Variants in ATP2B1 observed in about 807,000 individuals in gnomAD.
The protein encoded by ATP2B1 is plasma membrane calcium-transporting ATPase 1.
A neutral mutation model predicts 124.2 loss-of-function variants in ATP2B1; 14 were observed. That is an observed-to-expected ratio of 0.11 (90% CI 0.07 to 0.18). ATP2B1 has a LOEUF of 0.18. ATP2B1 is among the 10% of genes least tolerant of loss of function. ATP2B1 has a pLI of 1.00. For synonymous variants in ATP2B1, 449 were observed against 492.4 expected (o/e 0.91, Z 1.17); for missense variants, 763 against 1,466.1 (o/e 0.52, Z 7.83).
At chr12:89,630,758 T>C in intron 5 of ATP2B1, 113 bp from the exon 6 acceptor site, 1 of 123,354 alleles carries the variant, frequency 8.1e-6, no homozygotes, top group Non-Finnish European at 1.5e-5. Context: ...TAGGAAAAAA[T>C]ATATATAAAT....
intron 9 of ATP2B1, among the ~76,000 whole-genome samples, chr12:89,623,067 T>C (rs1288550177): frequency 1.5e-4 from 2 of 13,770 alleles, no homozygotes; most frequent in Non-Finnish European, 4.1e-4. Flanking sequence ...ATCACTTTGA[T>C]ACATTTACTT....
chr12:89,678,889 G>A (rs1447560923), intron 1 of ATP2B1, among the ~76,000 whole-genome samples: 1 of 152,090 alleles, frequency 6.6e-6, no homozygotes, highest in Admixed American at 6.6e-5. Flanking sequence ...CACAGTGTTC[G>A]TAAAGTTAGG....
At chr12:89,643,579 A>T (rs1883988932) in intron 2 of ATP2B1, among the ~76,000 whole-genome samples, 1 of 152,162 alleles carries the variant, frequency 6.6e-6, no homozygotes, top group Admixed American at 6.5e-5. Flanking sequence ...TGGAGTATGG[A>T]ATTAGAAAGA....
chr12:89,690,966 G>T lies in ATP2B1; in HGVS notation c.-222+17630C>A, dbSNP rs76799624. On this transcript the variant is annotated intron_variant, in intron 1 of 20. Coordinates refer to ENST00000428670, the MANE Select transcript of ATP2B1 (RefSeq NM_001366521.1). ...TTTCCATCAATCTTTGGGTAAATTA[G>T]GCAAGCACTTTAAGAATCATCCAAG... 6.2e-3 allele frequency among the ~76,000 whole-genome samples: 942 copies of T among 152,222 alleles called. 15 individuals carry two copies. Among genetic ancestry groups the T allele is most frequent in the African/African-American group, 0.022 (921 of 41,546 alleles).
In ATP2B1 at chr12:89,593,568, G is replaced by A. The variant is rs114697039; in HGVS notation, c.3352-2273C>T. 347 of 152,124 alleles carry A rather than the reference G, an allele frequency of 2.3e-3. 2 individuals carry two copies. Among genetic ancestry groups the A allele is most frequent in the African/African-American group, 8.0e-3 (332 of 41,522 alleles). 9.4% of individuals were successfully genotyped at this position (152,124 alleles called of 1,614,324 possible). A position where few individuals can be genotyped will look rare whatever the true frequency, so the allele number is the denominator to read the frequency against. On this transcript the variant is annotated intron_variant, in intron 20 of 20. Transcript: ENST00000428670. ...GGAAATAAATGTACTTTTTAAACAT[G>A]TTAAATTTGGAAAATATCTAGAGCT... is the stretch of plus-strand genomic sequence containing the variant.
intron 11 of ATP2B1, 138 bp downstream of exon 11, chr12:89,619,861 C>A: frequency 2.7e-6 from 3 of 1,101,084 alleles, no homozygotes; most frequent in South Asian, 1.7e-5. Context: ...ATCTGGATAC[C>A]ATAAAATATG....
At chr12:89,671,256 G>GA (rs1006470228) in intron 1 of ATP2B1, among the ~76,000 whole-genome samples, 1 of 151,978 alleles carries the variant, frequency 6.6e-6, no homozygotes, top group Non-Finnish European at 1.5e-5. Flanking sequence ...CTCAATGGGA[G>GA]AAAAAAAGCA....
chr12:89,636,881 T>C (rs780375872), intron 3 of ATP2B1, among the ~76,000 whole-genome samples: 7 of 152,324 alleles, frequency 4.6e-5, no homozygotes, highest in Middle Eastern at 3.4e-3. Flanking sequence ...CCATGTGTCA[T>C]TGTGTATAAT....
intron 20 of ATP2B1, 140 bp downstream of exon 20, chr12:89,598,977 C>T: frequency 9.4e-7 from 1 of 1,067,546 alleles, no homozygotes; most frequent in Non-Finnish European, 1.3e-6. Flanking sequence ...ATTCCAGGCA[C>T]CAGTATTACT....
At chr12:89,602,903 T>C (rs1435728137) in intron 18 of ATP2B1, 140 bp downstream of exon 18, 2 of 721,712 alleles carry the variant, frequency 2.8e-6, no homozygotes, top group South Asian at 2.0e-5. Flanking sequence ...AACATATACC[T>C]TAAATCACCA....
chr12:89,659,446 C>G (rs1428958367), intron 1 of ATP2B1, among the ~76,000 whole-genome samples: 1 of 151,790 alleles, frequency 6.6e-6, no homozygotes, highest in African/African-American at 2.4e-5. Context: ...TCAAAAAGAA[C>G]AATAAGGTGG....
intron 1 of ATP2B1, among the ~76,000 whole-genome samples, chr12:89,693,433 C>G (rs574287519): frequency 6.6e-6 from 1 of 152,186 alleles, no homozygotes; most frequent in East Asian, 1.9e-4. Flanking sequence ...TGATAAGCAC[C>G]TAACTTTCTG....
At chr12:89,661,894 G>A (rs1252880576) in intron 1 of ATP2B1, among the ~76,000 whole-genome samples, 2 of 152,032 alleles carry the variant, frequency 1.3e-5, no homozygotes, top group East Asian at 1.9e-4. Context: ...CAGCTACCTC[G>A]TGAGTTTAAA....
chr12:89,603,902 C>T lies in ATP2B1; in HGVS notation c.2658G>A (p.Gln886=), dbSNP rs1215290837. 6 of 1,614,080 alleles carry T rather than the reference C, an allele frequency of 3.7e-6. No individual in the cohort carries two copies. Among genetic ancestry groups the T allele is most frequent in the Non-Finnish European group, 5.1e-6 (6 of 1,179,984 alleles). ...ITQDSPLKAV[Q]MLWVNLIMDT... ...CCATTATGAGGTTTACCCACAGCAT[C>T]TGCACAGCCTTAAGCGGTGAGTCCT... Residue 886 remains glutamine (Q), a synonymous_variant, in exon 17 of 21, where the codon CAG becomes CAA. Coordinates refer to ENST00000428670, the MANE Select transcript of ATP2B1 (RefSeq NM_001366521.1). This position sits in a 1 kb window ranked among gnomAD's most constrained non-coding sequence, Gnocchi z 4.3.
chr12:89,654,516 G>A (rs1260384045), intron 2 of ATP2B1, among the ~76,000 whole-genome samples: 1 of 152,142 alleles, frequency 6.6e-6, no homozygotes, highest in Non-Finnish European at 1.5e-5. Context: ...ATAGTCTAAA[G>A]AAGCCCTGTT....
At chr12:89,598,549 T>C (rs749524221) in intron 20 of ATP2B1, 7 of 1,575,114 alleles carry the variant, frequency 4.4e-6, no homozygotes, top group Non-Finnish European at 6.1e-6. Context: ...GTGTGTGAAG[T>C]AGGAAATGTT....
At chr12:89,686,845 T>G (rs577685236) in intron 1 of ATP2B1, among the ~76,000 whole-genome samples, 116 of 152,084 alleles carry the variant, frequency 7.6e-4, no homozygotes, top group Non-Finnish European at 1.4e-3. Flanking sequence ...ACATACACAT[T>G]AAGAGAAAAC....
chr12:89,621,348 A>T (rs528259501), intron 10 of ATP2B1, among the ~76,000 whole-genome samples: 2 of 152,172 alleles, frequency 1.3e-5, no homozygotes, highest in African/African-American at 4.8e-5. Context: ...ATAGGAGAAA[A>T]ATGTAAGCAA....
intron 5 of ATP2B1, among the ~76,000 whole-genome samples, chr12:89,633,349 T>C (rs1882181462): frequency 6.6e-6 from 1 of 151,952 alleles, no homozygotes; most frequent in African/African-American, 2.4e-5. Flanking sequence ...ATGTGCACAA[T>C]GTGTAGGTTT....
Sources: allele counts gnomAD v4.1 joint callset (sites outside exome capture counted in the v4.1 genomes callset), GRCh38; gene constraint gnomAD v4.1.1; non-coding constraint Gnocchi (gnomAD v3.1); transcripts MANE v1.5; gene names NCBI Gene and HGNC (gene_info 2026-07-23, HGNC 2026-07-21).